NDUFV2: variants seen among roughly 807,000 people sequenced by gnomAD.
The protein encoded by NDUFV2 is NADH:ubiquinone oxidoreductase core subunit V2.
A neutral mutation model predicts 31.6 loss-of-function variants in NDUFV2; 18 were observed. The observed-to-expected ratio is 0.57, with a 90% CI of 0.39 to 0.84. The LOEUF is 0.84. Ranked by LOEUF, NDUFV2 falls within the 40% of genes least tolerant of loss-of-function variation. The pLI, the probability that NDUFV2 is intolerant of heterozygous loss-of-function variation, is 0.00. For missense variants in NDUFV2, 314 were observed against 303.6 expected, an observed-to-expected ratio of 1.03 and a Z score of -0.26; for synonymous variants, 83 against 99.8, an observed-to-expected ratio of 0.83 and a Z score of 1.01.
rs1297224926 is a variant in NDUFV2 at position 9,120,779 on chromosome 18, T to C, written c.300+1189T>C. ...AATTATGTATTTCTTGGGAAGTTAC[T>C]TAACATTTTTTTAAATTAAAATAGC... is the stretch of plus-strand genomic sequence containing the variant. On this transcript the variant is annotated intron_variant, in intron 4 of 7. Transcript: ENST00000318388. Among the ~76,000 whole-genome samples, 3 of 152,342 alleles carry C rather than the reference T, an allele frequency of 2.0e-5. No homozygotes were observed. The East Asian group carries it at 5.8e-4, about 29-fold the overall frequency.
At chr18:9,103,331 A>G (rs2077824661) in intron 1 of NDUFV2, 1 of 392,564 alleles carries the variant, frequency 2.5e-6, no homozygotes, top group Non-Finnish European at 4.5e-6. Context: ...AACGGTATCA[A>G]ACTAACTCTG....
At position 9,111,592 on chromosome 18, in the gene NDUFV2, C is replaced by A. The variant is rs2077870449; in HGVS notation, c.55-6246C>A. ...TACAGGCACGTGCCACCACGCCCAGCTAATTTTTGTATTTTTAGTAGGGAT... is the reference window on the plus strand; with the variant it reads ...TACAGGCACGTGCCACCACGCCCAGATAATTTTTGTATTTTTAGTAGGGAT... On this transcript the variant is annotated intron_variant, in intron 1 of 7. Transcript: ENST00000318388. 2.0e-5 allele frequency among the ~76,000 whole-genome samples: 3 copies of A among 151,736 alleles called. No homozygotes were observed. The South Asian group carries it at 6.2e-4, about 31-fold the overall frequency.
rs1196854772 is a variant in NDUFV2 at position 9,122,642 on chromosome 18, A to G, written c.430A>G (p.Asn144Asp). The G allele has an allele frequency of 6.2e-7, 1 of 1,613,988 alleles. No individual in the cohort carries two copies. The highest frequency in any genetic ancestry group is 1.1e-5 in the South Asian group (1 of 91,076). The change falls in exon 5 of 8, where the codon AAC (asparagine) becomes GAC (aspartate). Residue 144 changes from asparagine (N) to aspartate (D), a missense_variant. Transcript: ENST00000318388. ...CACTACTACACCCTGCATGCTTCGA[A>G]ACTCTGACAGCATACTGGAGGCCAT... is the stretch of plus-strand genomic sequence containing the variant. ...VCTTTPCMLR[N>D]SDSILEAIQK...
At chr18:9,109,782 G>A (rs1296557317) in intron 1 of NDUFV2, among the ~76,000 whole-genome samples, 3 of 151,726 alleles carry the variant, frequency 2.0e-5, no homozygotes, top group Non-Finnish European at 4.4e-5. Context: ...TTTAGGAATC[G>A]ACGAAAAAAA....
At chr18:9,127,742 G>T (rs2078004156) in intron 7 of NDUFV2, among the ~76,000 whole-genome samples, 1 of 152,204 alleles carries the variant, frequency 6.6e-6, no homozygotes, top group African/African-American at 2.4e-5. Context: ...AAAGTGCTGG[G>T]ATTACAGGCA....
At chr18:9,116,735 A>C (rs553870580) in intron 1 of NDUFV2, among the ~76,000 whole-genome samples, 1 of 152,064 alleles carries the variant, frequency 6.6e-6, no homozygotes, top group Non-Finnish European at 1.5e-5. Context: ...TAAATATACT[A>C]TTGTGTTATA....
intron 7 of NDUFV2, 40 bp downstream of exon 7, chr18:9,126,947 CTAAAT>C (rs750170630): frequency 2.0e-6 from 3 of 1,464,354 alleles, no homozygotes; most frequent in Admixed American, 3.4e-5. Flanking sequence ...AGTGGCTCAC[CTAAAT>C]TAATCTTTCA....
chr18:9,126,577 A>C (rs1476081714), intron 6 of NDUFV2: 2 of 444,614 alleles, frequency 4.5e-6, no homozygotes, highest in Non-Finnish European at 8.3e-6. Flanking sequence ...CTTGGTAACT[A>C]TCTTGTGAGC....
At chr18:9,134,111 G>C (rs1003645968) in intron 7 of NDUFV2, 75 bp from the exon 8 acceptor site, 12 of 1,110,652 alleles carry the variant, frequency 1.1e-5, no homozygotes, top group African/African-American at 1.6e-5. Context: ...GGGCTCTTGT[G>C]AGGTAACCAT....
chr18:9,118,016 C>A, intron 2 of NDUFV2, 113 bp downstream of exon 2: 1 of 751,880 alleles, frequency 1.3e-6, no homozygotes, highest in South Asian at 1.5e-5. Context: ...TGATGGTCAT[C>A]GTGAGAATTT....
At chr18:9,103,091 G>T (rs968707558) in intron 1 of NDUFV2, 1 of 424,448 alleles carries the variant, frequency 2.4e-6, no homozygotes, top group African/African-American at 2.0e-5. Context: ...TTTTGCTGTA[G>T]CGCAGAATCT....
At chr18:9,125,178 T>A (rs1453899319) in intron 6 of NDUFV2, among the ~76,000 whole-genome samples, 195 bp downstream of exon 6, 1 of 152,200 alleles carries the variant, frequency 6.6e-6, no homozygotes, top group Non-Finnish European at 1.5e-5. Flanking sequence ...TTTAAAACTT[T>A]AGATTATGAA....
At chr18:9,108,327 G>A (rs1443771538) in intron 1 of NDUFV2, among the ~76,000 whole-genome samples, 1 of 152,174 alleles carries the variant, frequency 6.6e-6, no homozygotes, top group African/African-American at 2.4e-5. Flanking sequence ...GTTTGTAAAA[G>A]TCCTCCTATT....
chr18:9,126,346 C>G (rs965460258), intron 6 of NDUFV2, among the ~76,000 whole-genome samples: 14 of 152,154 alleles, frequency 9.2e-5, no homozygotes, highest in Non-Finnish European at 2.9e-5. Flanking sequence ...CATTAATCCT[C>G]AAAAACGTGC....
At chr18:9,119,818 G>C (rs534446030) in intron 4 of NDUFV2, among the ~76,000 whole-genome samples, 45 of 152,082 alleles carry the variant, frequency 3.0e-4, no homozygotes, top group African/African-American at 1.1e-3. Context: ...TGGTGAAAGA[G>C]GGTATGTGTT....
intron 4 of NDUFV2, among the ~76,000 whole-genome samples, chr18:9,121,615 A>C (rs1019842557): frequency 6.6e-6 from 1 of 152,212 alleles, no homozygotes; most frequent in Admixed American, 6.5e-5. Flanking sequence ...GGATATATCT[A>C]TAATTTTTAA....
chr18:9,114,239 G>A (rs1210796746), intron 1 of NDUFV2, among the ~76,000 whole-genome samples: 2 of 152,150 alleles, frequency 1.3e-5, no homozygotes, highest in Non-Finnish European at 1.5e-5. Flanking sequence ...CAGTGGAGAA[G>A]TAGATGGTTT....
chr18:9,118,823 T>TG (rs1401404745), intron 2 of NDUFV2, among the ~76,000 whole-genome samples: 1 of 147,560 alleles, frequency 6.8e-6, no homozygotes, highest in Non-Finnish European at 1.5e-5. Context: ...CTGTTTTTTT[T>TG]TTTTTTTTTT....
chr18:9,133,358 CAG>C (rs1489050567), intron 7 of NDUFV2: 1 of 152,238 alleles, frequency 6.6e-6, no homozygotes, highest in Non-Finnish European at 1.5e-5. Context: ...GCTCTAGAAA[CAG>C]AGGTCAGACA....
Sources: gnomAD v4.1 joint callset for allele counts (sites outside exome capture counted in the v4.1 genomes callset) on GRCh38, gnomAD v4.1.1 for gene constraint, MANE v1.5 for transcripts, NCBI Gene and HGNC (gene_info 2026-07-23, HGNC 2026-07-21) for gene names.